The following CCSER1 variants were observed in gnomAD, a reference collection of about 807,000 sequenced individuals.
CCSER1 encodes the protein serine-rich coiled-coil domain-containing protein 1.
CCSER1 carries 41 observed loss-of-function variants against 82.0 expected under a neutral mutation model. That is an observed-to-expected ratio of 0.50 (90% CI 0.39 to 0.65). The LOEUF (loss-of-function observed/expected upper bound fraction) is 0.65. Ranked by LOEUF, CCSER1 falls within the 30% of genes least tolerant of loss-of-function variation. CCSER1 has a pLI of 0.00. For missense variants in CCSER1, 1,119 were observed against 1,064.2 expected (o/e 1.05, Z -0.72); for synonymous variants, 414 against 383.9 (o/e 1.08, Z -0.92).
intron 1 of CCSER1, among the ~76,000 whole-genome samples, chr4:90,301,582 ACTTCT>A (rs1445303750): frequency 1.3e-5 from 2 of 152,116 alleles, no homozygotes; most frequent in African/African-American, 4.8e-5. Flanking sequence ...ATTAAAAAAC[ACTTCT>A]CTTATGTAAC....
intron 10 of CCSER1, among the ~76,000 whole-genome samples, chr4:91,289,025 C>T (rs1338936755): frequency 3.3e-5 from 5 of 151,984 alleles, no homozygotes; most frequent in Non-Finnish European, 7.4e-5. Context: ...GAGATTTTCT[C>T]TGAAACACAG....
Position 90,858,723 on chromosome 4 carries a change from A to G in CCSER1, c.2094+42878A>G, listed in dbSNP as rs553834355. On this transcript the variant is annotated intron_variant, in intron 8 of 10. Coordinates refer to ENST00000509176, the MANE Select transcript of CCSER1 (RefSeq NM_001145065.2). ...ACGCAACAAAGCCTAATCTGATACC[A>G]TAATATAATTTAGAAGTATTTTATT... 5.3e-5 allele frequency among the ~76,000 whole-genome samples: 8 copies of G among 152,058 alleles called. No individual in the cohort carries two copies. The South Asian group carries it at 1.7e-3, about 31-fold the overall frequency.
At chr4:90,705,075 T>C (rs1469887255) in intron 6 of CCSER1, among the ~76,000 whole-genome samples, 3 of 152,218 alleles carry the variant, frequency 2.0e-5, no homozygotes, top group African/African-American at 4.8e-5. Context: ...TCAGCTTTTT[T>C]GCTCTGTTTT....
intron 10 of CCSER1, among the ~76,000 whole-genome samples, chr4:91,377,687 C>T (rs895953748): frequency 6.6e-6 from 1 of 152,114 alleles, no homozygotes; most frequent in African/African-American, 2.4e-5. Flanking sequence ...AATGTTCTCC[C>T]ACTCTGTAGG....
chr4:91,082,270 A>G (rs941343967), intron 9 of CCSER1, among the ~76,000 whole-genome samples: 2 of 151,180 alleles, frequency 1.3e-5, no homozygotes, highest in Non-Finnish European at 3.0e-5. Context: ...ACACATCTAC[A>G]ACCATCTTTG....
At chr4:91,052,508 A>G (rs1287758990) in intron 9 of CCSER1, among the ~76,000 whole-genome samples, 2 of 152,110 alleles carry the variant, frequency 1.3e-5, no homozygotes, top group East Asian at 3.9e-4. Context: ...AAGTTGAAAC[A>G]AGGTGGTTTC....
intron 5 of CCSER1, among the ~76,000 whole-genome samples, chr4:90,534,301 G>T (rs1775000234): frequency 6.6e-6 from 1 of 151,886 alleles, no homozygotes; most frequent in Non-Finnish European, 1.5e-5. Context: ...GGCTAATTTT[G>T]TGTATTTTTA....
At chr4:91,228,959 C>T (rs1560530808) in intron 10 of CCSER1, among the ~76,000 whole-genome samples, 1 of 152,010 alleles carries the variant, frequency 6.6e-6, no homozygotes, top group Non-Finnish European at 1.5e-5. Context: ...AGACAACAAT[C>T]CTTTATTTGT....
At chr4:90,782,090 G>T (rs17186106) in intron 7 of CCSER1, 72,581 of 474,060 alleles carry the variant, frequency 0.15, 6,406 homozygotes, top group Non-Finnish European at 0.17. Flanking sequence ...AGGATTAATT[G>T]CCCAGGATAA....
intron 10 of CCSER1, among the ~76,000 whole-genome samples, chr4:91,224,364 A>G (rs1364030350): frequency 6.6e-6 from 1 of 152,118 alleles, no homozygotes; most frequent in Non-Finnish European, 1.5e-5. Context: ...TCCTTGTTTA[A>G]TGTTCATTCT....
intron 3 of CCSER1, among the ~76,000 whole-genome samples, chr4:90,350,628 A>G (rs560331476): frequency 6.6e-6 from 1 of 152,280 alleles, no homozygotes; most frequent in South Asian, 2.1e-4. Flanking sequence ...TTGGCTTTTT[A>G]TATTCAAACA....
rs138210218 is a variant in CCSER1, at chr4:90,714,679, A to G, written c.1933-9235A>G. Among the ~76,000 whole-genome samples the G allele has an allele frequency of 2.4e-3, 365 of 152,136 alleles. 1 individual carries two copies. Among genetic ancestry groups the G allele is most frequent in the Middle Eastern group, 6.8e-3 (2 of 294 alleles). On this transcript the variant is annotated intron_variant, in intron 6 of 10. Coordinates refer to ENST00000509176, the MANE Select transcript of CCSER1 (RefSeq NM_001145065.2). Reference sequence around the variant, plus strand: ...CAAGGACTTAAAGGTTCAAATAAATATATGAACTCCTAGAATTTTGACATA... The same window carrying G: ...CAAGGACTTAAAGGTTCAAATAAATGTATGAACTCCTAGAATTTTGACATA...
chr4:91,573,636 C>T (rs1341864413), intron 10 of CCSER1, among the ~76,000 whole-genome samples: 2 of 152,180 alleles, frequency 1.3e-5, no homozygotes, highest in African/African-American at 4.8e-5. Flanking sequence ...GGAGGTTTCC[C>T]TGGCTTCGTG....
chr4:90,351,566 G>A (rs1421778054), intron 3 of CCSER1, among the ~76,000 whole-genome samples: 5 of 152,086 alleles, frequency 3.3e-5, no homozygotes, highest in Non-Finnish European at 7.4e-5. Context: ...TTAGAAAATA[G>A]TGAATAAGCT....
At chr4:90,475,855 C>A (rs951475775) in intron 5 of CCSER1, among the ~76,000 whole-genome samples, 1 of 152,156 alleles carries the variant, frequency 6.6e-6, no homozygotes, top group African/African-American at 2.4e-5. Flanking sequence ...CCAATTAAAT[C>A]TCCTTAAAGC....
chr4:90,202,892 C>G lies in CCSER1; in HGVS notation c.-42+75061C>G, dbSNP rs182411561. 3.1e-4 allele frequency among the ~76,000 whole-genome samples: 47 copies of G among 152,266 alleles called. 1 individual carries two copies. The highest frequency in any genetic ancestry group is 1.1e-3 in the African/African-American group (44 of 41,556). ...CTCATATAAATTGATAAATAGTAGA[C>G]ACAGTACTTTGTTTGTAACTCATTA... On this transcript the variant is annotated intron_variant, in intron 1 of 10. Transcript: ENST00000509176.
chr4:90,440,325 C>A (rs1241308517), intron 4 of CCSER1, among the ~76,000 whole-genome samples: 1 of 152,150 alleles, frequency 6.6e-6, no homozygotes, highest in African/African-American at 2.4e-5. Flanking sequence ...TTTTAAATTT[C>A]TGTGTAAACA....
chr4:90,880,969 G>T (rs1721216547), intron 8 of CCSER1, among the ~76,000 whole-genome samples: 1 of 151,124 alleles, frequency 6.6e-6, no homozygotes, highest in Non-Finnish European at 1.5e-5. Flanking sequence ...GAATTTACCT[G>T]CCCCTTTTGC....
At chr4:90,300,849 A>G (rs1481620837) in intron 1 of CCSER1, among the ~76,000 whole-genome samples, 1 of 152,110 alleles carries the variant, frequency 6.6e-6, no homozygotes, top group African/African-American at 2.4e-5. Context: ...TTTTTGAGAC[A>G]GGGTCTCGCT....
Sources: gnomAD v4.1 joint callset for allele counts (sites outside exome capture counted in the v4.1 genomes callset) on GRCh38, gnomAD v4.1.1 for gene constraint, MANE v1.5 for transcripts, NCBI Gene and HGNC (gene_info 2026-07-23, HGNC 2026-07-21) for gene names.